DCDC1: variants seen among roughly 807,000 people sequenced by gnomAD.
DCDC1 encodes the protein doublecortin domain-containing protein 1.
DCDC1 carries 200 observed loss-of-function variants against 178.3 expected under a neutral mutation model. The observed-to-expected ratio is 1.12, with a 90% CI of 1.00 to 1.26. DCDC1 has a LOEUF of 1.26. Ranked by LOEUF, DCDC1 falls within the 50% of genes most tolerant of loss-of-function variation. The pLI, the probability that DCDC1 is intolerant of heterozygous loss-of-function variation, is 0.00. For missense variants in DCDC1, 1,983 were observed against 1,749.2 expected, an observed-to-expected ratio of 1.13 and a Z score of -2.38; for synonymous variants, 690 against 604.8, an observed-to-expected ratio of 1.14 and a Z score of -2.07.
rs765801883 is a variant in DCDC1, at chr11:30,920,885, C to A, written c.3184G>T (p.Val1062Leu). The A allele has an allele frequency of 1.2e-6, 2 of 1,613,202 alleles. No homozygotes were observed. The highest frequency in any genetic ancestry group is 2.2e-5 in the South Asian group (2 of 90,914). The change falls in exon 25 of 39, where the codon GTG (valine) becomes TTG (leucine). Residue 1062 changes from valine (V) to leucine (L), a missense_variant. Val to Leu is a conservative substitution (Grantham distance 32, BLOSUM62 1). Coordinates refer to ENST00000684477, the MANE Select transcript of DCDC1 (RefSeq NM_001387274.1). Reference protein sequence around the residue: ...SDIVSGSKLAVHKPVAIFGEE... With the variant: ...SDIVSGSKLALHKPVAIFGEE... ...CCAAAAATTGCTACAGGTTTATGCACAGCAAGCTTGCTTCCAGATACAATG... is the reference window on the plus strand; with the variant it reads ...CCAAAAATTGCTACAGGTTTATGCAAAGCAAGCTTGCTTCCAGATACAATG...
chr11:31,228,112 T>G (rs543250483), intron 9 of DCDC1, among the ~76,000 whole-genome samples: 1 of 152,136 alleles, frequency 6.6e-6, no homozygotes, highest in South Asian at 2.1e-4. Context: ...CAAACTGACA[T>G]TGAAGAACAC....
intron 20 of DCDC1, among the ~76,000 whole-genome samples, chr11:31,000,496 C>T (rs1951510740): frequency 6.6e-6 from 1 of 152,082 alleles, no homozygotes; most frequent in Admixed American, 6.6e-5. Flanking sequence ...TTAAAGGGTA[C>T]TATAAAATGT....
intron 21 of DCDC1, among the ~76,000 whole-genome samples, chr11:30,935,320 T>G (rs937881696): frequency 3.9e-5 from 6 of 152,178 alleles, no homozygotes; most frequent in Non-Finnish European, 7.3e-5. Context: ...CAAAGATATT[T>G]ATCTGCCTGT....
chr11:31,207,782 T>C lies in DCDC1; in HGVS notation c.1221+33668A>G, dbSNP rs534335973. 2.0e-5 allele frequency among the ~76,000 whole-genome samples: 3 copies of C among 152,276 alleles called. No homozygotes were observed. In the South Asian group the frequency reaches 6.2e-4, roughly 32 times the overall value. ...TATACTTCCTTTCTACTTTTTCCCATTCCCTTCAACTTACTCAAATCAGAT... is the reference window on the plus strand; with the variant it reads ...TATACTTCCTTTCTACTTTTTCCCACTCCCTTCAACTTACTCAAATCAGAT... On this transcript the variant is annotated intron_variant, in intron 9 of 38. Transcript: ENST00000684477.
At chr11:30,946,288 C>T (rs1948051015) in intron 21 of DCDC1, among the ~76,000 whole-genome samples, 3 of 152,152 alleles carry the variant, frequency 2.0e-5, no homozygotes, top group African/African-American at 7.2e-5. Context: ...CCTCCTTAAA[C>T]CTCTGTAGAG....
intron 9 of DCDC1, among the ~76,000 whole-genome samples, chr11:31,140,025 T>A (rs1256182095): frequency 2.0e-5 from 3 of 152,138 alleles, no homozygotes; most frequent in Non-Finnish European, 4.4e-5. Context: ...AAAAGTCAAA[T>A]TAAGAAAGGG....
intron 21 of DCDC1, among the ~76,000 whole-genome samples, 182 bp downstream of exon 21, chr11:30,952,263 T>G (rs1215267344): frequency 6.6e-6 from 1 of 152,128 alleles, no homozygotes; most frequent in Non-Finnish European, 1.5e-5. Flanking sequence ...GATAAGTTCA[T>G]CTCCATAATG....
chr11:30,871,244 C>T (rs919171476), intron 38 of DCDC1, among the ~76,000 whole-genome samples: 3 of 152,124 alleles, frequency 2.0e-5, no homozygotes, highest in Admixed American at 2.0e-4. Flanking sequence ...GAAGAGCCCT[C>T]GGATAAGTAG....
intron 3 of DCDC1, among the ~76,000 whole-genome samples, chr11:31,315,304 C>T (rs1000572705): frequency 2.4e-5 from 3 of 126,832 alleles, no homozygotes; most frequent in African/African-American, 8.7e-5. Context: ...TATTTGCATA[C>T]CCTTTTTTTT....
At chr11:31,195,680 G>T (rs1970612343) in intron 9 of DCDC1, among the ~76,000 whole-genome samples, 1 of 151,466 alleles carries the variant, frequency 6.6e-6, no homozygotes, top group South Asian at 2.1e-4. Flanking sequence ...ACTTACCAAC[G>T]TTTCTAATAT....
rs1489166705 is a variant in DCDC1 at position 30,864,290 on chromosome 11, T to A, written c.*1083A>T. 1 of 152,258 alleles carries A rather than the reference T, an allele frequency of 6.6e-6. No homozygotes were observed. Among genetic ancestry groups the A allele is most frequent in the Non-Finnish European group, 1.5e-5 (1 of 68,038 alleles). 9.4% of individuals were successfully genotyped at this position (152,258 alleles called of 1,614,324 possible). On this transcript the variant is annotated 3_prime_UTR_variant, in exon 39 of 39. Coordinates refer to ENST00000684477, the MANE Select transcript of DCDC1 (RefSeq NM_001387274.1). Reference sequence around the variant, plus strand: ...TAAGTAATTTCACATAACTTTTGGATGTTTCTTCAAACTTGGGATTTGAAA... The same window carrying A: ...TAAGTAATTTCACATAACTTTTGGAAGTTTCTTCAAACTTGGGATTTGAAA...
At chr11:31,083,679 G>T (rs1391198588) in intron 17 of DCDC1, among the ~76,000 whole-genome samples, 2 of 152,150 alleles carry the variant, frequency 1.3e-5, no homozygotes, top group Non-Finnish European at 2.9e-5. Flanking sequence ...TGTCACTTTT[G>T]TGTGAAATCT....
chr11:31,037,636 G>A (rs1046835188), intron 20 of DCDC1, among the ~76,000 whole-genome samples: 3 of 151,616 alleles, frequency 2.0e-5, no homozygotes, highest in African/African-American at 4.8e-5. Flanking sequence ...ATAATTTTTC[G>A]TATTTTTTAG....
At position 30,974,138 on chromosome 11, in the gene DCDC1, T is replaced by C. The variant is rs147268855; in HGVS notation, c.2592-21570A>G. On this transcript the variant is annotated intron_variant, in intron 20 of 38. Transcript: ENST00000684477. ...ATTAAACATTCTCCTGAATGACCAT[T>C]GGATCAAGGAAGAAATTAAGGAGAA... Among the ~76,000 whole-genome samples, 79 of 151,854 alleles carry C rather than the reference T, an allele frequency of 5.2e-4. 2 individuals are homozygous for C. The East Asian group carries it at 0.014, about 27-fold the overall frequency.
intron 9 of DCDC1, among the ~76,000 whole-genome samples, chr11:31,177,904 T>G (rs540983701): frequency 6.6e-6 from 1 of 151,976 alleles, no homozygotes; most frequent in Non-Finnish European, 1.5e-5. Flanking sequence ...AAAGGAGAGA[T>G]AAACTGCAAT....
intron 17 of DCDC1, among the ~76,000 whole-genome samples, chr11:31,087,822 A>C (rs987102164): frequency 3.9e-5 from 6 of 152,170 alleles, no homozygotes; most frequent in African/African-American, 1.4e-4. Flanking sequence ...TTTTCTATAA[A>C]TATCAATTAG....
At chr11:31,229,089 A>G (rs1403943933) in intron 9 of DCDC1, among the ~76,000 whole-genome samples, 1 of 152,130 alleles carries the variant, frequency 6.6e-6, no homozygotes, top group Non-Finnish European at 1.5e-5. Flanking sequence ...CTATATGTCT[A>G]CTAAAAAAAA....
At chr11:31,028,770 A>G (rs1449307452) in intron 20 of DCDC1, among the ~76,000 whole-genome samples, 1 of 151,984 alleles carries the variant, frequency 6.6e-6, no homozygotes, top group African/African-American at 2.4e-5. Context: ...GAATTTTTGT[A>G]CATCATTCTG....
intron 21 of DCDC1, among the ~76,000 whole-genome samples, chr11:30,946,421 C>T (rs1590480386): frequency 1.3e-5 from 2 of 152,184 alleles, no homozygotes; most frequent in African/African-American, 4.8e-5. Flanking sequence ...TTAATTCATC[C>T]AGCCACTGGC....
Sources: gnomAD v4.1 joint callset for allele counts (sites outside exome capture counted in the v4.1 genomes callset) on GRCh38, gnomAD v4.1.1 for gene constraint, MANE v1.5 for transcripts, NCBI Gene and HGNC (gene_info 2026-07-23, HGNC 2026-07-21) for gene names.